Variants in CRTC1 observed in about 807,000 individuals in gnomAD.
CRTC1 encodes CREB-regulated transcription coactivator 1.
Under a neutral mutation model 66.1 loss-of-function variants are expected in CRTC1, and 18 were observed. The ratio of observed to expected loss-of-function variants is 0.27; its 90% CI spans 0.19 to 0.40. The LOEUF (loss-of-function observed/expected upper bound fraction) is 0.40, where lower values mean the gene tolerates loss of function less well. Among genes scored for constraint, CRTC1 ranks in the 10% least tolerant of loss-of-function variants. The pLI is 1.00. For synonymous variants in CRTC1, 416 were observed against 398.8 expected, an observed-to-expected ratio of 1.04 and a Z score of -0.51; for missense variants, 669 against 887.9, an observed-to-expected ratio of 0.75 and a Z score of 3.13.
In CRTC1 at chr19:18,683,736, G is replaced by A; in HGVS notation, c.34G>A (p.Glu12Lys). The change falls in exon 1 of 14, where the codon GAG (glutamate) becomes AAG (lysine). Residue 12 changes from glutamate (E) to lysine (K), a missense_variant. Around this residue, in one of 8 missense-constraint regions of CRTC1, gnomAD observed 23 missense variants for 30.6 expected, o/e 0.75. Transcript: ENST00000321949. ...ATSNNPRKFSEKIALHNQKQA... is the reference protein window; with the variant it reads ...ATSNNPRKFSKKIALHNQKQA... The stretch of plus-strand genomic sequence containing the variant: ...TTCGAACAATCCGCGGAAATTCAGC[G>A]AGAAGATCGCGCTGCACAATCAGAA... The A allele has an allele frequency of 7.1e-7, 1 of 1,402,586 alleles. No homozygotes were observed. The allele number at this position is 1,402,586 out of a possible 1,614,324, so 86.9% of individuals were successfully genotyped here.
intron 1 of CRTC1, among the ~76,000 whole-genome samples, chr19:18,727,078 C>T (rs998848182): frequency 6.6e-6 from 1 of 151,988 alleles, no homozygotes; most frequent in Non-Finnish European, 1.5e-5. Flanking sequence ...CAGACCCCAT[C>T]TCAGCAAAAA....
intron 9 of CRTC1, among the ~76,000 whole-genome samples, chr19:18,767,117 C>G (rs993282447): frequency 1.3e-5 from 2 of 151,994 alleles, no homozygotes; most frequent in African/African-American, 4.8e-5. Context: ...AGAAATTTAT[C>G]CATTTTGTCT....
intron 3 of CRTC1, among the ~76,000 whole-genome samples, chr19:18,746,373 AG>A (rs1346539168): frequency 6.6e-6 from 1 of 152,148 alleles, no homozygotes; most frequent in Non-Finnish European, 1.5e-5. Flanking sequence ...AATGGGGCTA[AG>A]GGGGTCTGTG....
chr19:18,770,527 G>A (rs1450320010), intron 10 of CRTC1, among the ~76,000 whole-genome samples: 2 of 152,254 alleles, frequency 1.3e-5, no homozygotes, highest in African/African-American at 2.4e-5. Flanking sequence ...AGCGAGAGCC[G>A]GGAACAGGAG....
At chr19:18,745,124 G>A (rs2054201644) in intron 2 of CRTC1, among the ~76,000 whole-genome samples, 2 of 152,178 alleles carry the variant, frequency 1.3e-5, no homozygotes, top group Admixed American at 6.5e-5. Flanking sequence ...ATGTAGCAGG[G>A]CCTGGGGAGG....
In CRTC1 at chr19:18,695,789, C is replaced by T. The variant is rs148879588; in HGVS notation, c.126+11961C>T. On this transcript the variant is annotated intron_variant, in intron 1 of 13. Transcript: ENST00000321949. ...GTGAGGCAGGAGAATGGCGTGAACC[C>T]GGGAGGCAGAGCTTGCGGTGAGCCG... 4.3e-4 allele frequency among the ~76,000 whole-genome samples: 66 copies of T among 152,200 alleles called. 3 individuals carry two copies. The East Asian group carries it at 0.012, about 28-fold the overall frequency.
chr19:18,725,881 C>A (rs1268518106), intron 1 of CRTC1, among the ~76,000 whole-genome samples: 1 of 152,230 alleles, frequency 6.6e-6, no homozygotes, highest in East Asian at 1.9e-4. Context: ...CCGGGGCTGC[C>A]GGTCACCCTG....
intron 4 of CRTC1, among the ~76,000 whole-genome samples, chr19:18,748,374 ATTTTTTTTT>A (rs777077338): frequency 7.2e-4 from 54 of 75,378 alleles, no homozygotes; most frequent in Non-Finnish European, 1.3e-3. Context: ...CTTCCAGCTG[ATTTTTTTTT>A]TTTTTTTTTT....
chr19:18,741,573 C>A lies in CRTC1; in HGVS notation c.127-1337C>A, dbSNP rs1423352152. ...GTGTGGGGTGGGAGCTGTAGGACCC[C>A]CACCCTACACCCCCTCCCTCTGCCA... On this transcript the variant is annotated intron_variant, in intron 1 of 13. Transcript: ENST00000321949. The surrounding 1 kb of genome is among the most constrained non-coding windows in gnomAD (Gnocchi z 4.2). 6.6e-6 allele frequency among the ~76,000 whole-genome samples: 1 copy of A among 152,124 alleles called. No homozygotes were observed. The highest frequency in any genetic ancestry group is 1.9e-4 in the East Asian group (1 of 5,192).
At position 18,684,238 on chromosome 19, in the gene CRTC1, TACC is replaced by T. The variant is rs2052634210; in HGVS notation, c.126+411_126+413del. 5.9e-5 allele frequency among the ~76,000 whole-genome samples: 9 copies of T among 152,070 alleles called. No homozygotes were observed. The South Asian group carries it at 1.9e-3, about 32-fold the overall frequency. ...GGGACAGGTGCCCCCGCATCATTGC[TACC>T]TGGGGGGGCAGGATGACACAGGTGT... On this transcript the variant is annotated intron_variant, in intron 1 of 13. Coordinates refer to ENST00000321949, the MANE Select transcript of CRTC1 (RefSeq NM_015321.3).
At chr19:18,758,569 G>T (rs1266469743) in intron 6 of CRTC1, among the ~76,000 whole-genome samples, 1 of 152,122 alleles carries the variant, frequency 6.6e-6, no homozygotes, top group East Asian at 1.9e-4. Context: ...CCTAGTCAGT[G>T]GGGGATGAGT....
At position 18,778,477 on chromosome 19, in the gene CRTC1, G is replaced by A. The variant is rs997403949; in HGVS notation, c.*1095G>A. ...CCACCCACCTGAGTGTAAGAAGTGA[G>A]TCCGGCTTTTGGGTTTCACCCCAAG... On this transcript the variant is annotated 3_prime_UTR_variant, in exon 14 of 14. Coordinates refer to ENST00000321949, the MANE Select transcript of CRTC1 (RefSeq NM_015321.3). The A allele has an allele frequency of 1.3e-5, 3 of 231,870 alleles. No homozygotes were observed. In the Admixed American group the frequency reaches 1.7e-4, roughly 13 times the overall value. The allele number at this position is 231,870 out of a possible 1,614,324, so 14.4% of individuals were successfully genotyped here.
rs769321261 is a variant in CRTC1 at position 18,777,319 on chromosome 19, C to T, written c.1842C>T (p.Asn614=). The T allele has an allele frequency of 8.1e-6, 13 of 1,611,122 alleles. No homozygotes were observed. The highest frequency in any genetic ancestry group is 4.5e-5 in the East Asian group (2 of 44,874). The change falls in exon 14 of 14, where the codon AAC becomes AAT. Residue 614 remains asparagine (N), a synonymous_variant. Coordinates refer to ENST00000321949, the MANE Select transcript of CRTC1 (RefSeq NM_015321.3). The surrounding 1 kb of genome is among the most constrained non-coding windows in gnomAD (Gnocchi z 5.5). ...CCCTCGACGGACTGCACATGCTCAA[C>T]GACCCCGACATGGTTCTGGCCGACC... is the stretch of plus-strand genomic sequence containing the variant. ...PLTLDGLHML[N]DPDMVLADPA...
chr19:18,742,444 T>A (rs1481182036), intron 1 of CRTC1, among the ~76,000 whole-genome samples: 1 of 152,188 alleles, frequency 6.6e-6, no homozygotes, highest in Non-Finnish European at 1.5e-5. Flanking sequence ...AGTCCCACGC[T>A]TTGAAGGCCA....
rs111481472 is a variant in CRTC1 at position 18,779,530 on chromosome 19, T to TA, written c.*2157dup. On this transcript the variant is annotated 3_prime_UTR_variant, in exon 14 of 14. Coordinates refer to ENST00000321949, the MANE Select transcript of CRTC1 (RefSeq NM_015321.3). Reference sequence around the variant, plus strand: ...TACCATTAGACTTGTATGTAGGACTTAAAAAAAAATGGCCTTAATAAAATT... The same window carrying TA: ...TACCATTAGACTTGTATGTAGGACTTAAAAAAAAAATGGCCTTAATAAAATT... The TA allele has an allele frequency of 3.0e-4, 63 of 212,876 alleles. No homozygotes were observed. Among genetic ancestry groups the TA allele is most frequent in the Middle Eastern group, 1.5e-3 (1 of 678 alleles). 13.2% of individuals were successfully genotyped at this position (212,876 alleles called of 1,614,324 possible). A position where few individuals can be genotyped will look rare whatever the true frequency, so the allele number is the denominator to read the frequency against.
intron 4 of CRTC1, 50 bp from the exon 5 acceptor site, chr19:18,749,731 A>G (rs752423871): frequency 2.0e-6 from 3 of 1,483,054 alleles, no homozygotes; most frequent in Non-Finnish European, 2.8e-6. Context: ...GGACTATCGC[A>G]TTGTCTGCCT....
At chr19:18,702,678 G>A (rs1160621525) in intron 1 of CRTC1, among the ~76,000 whole-genome samples, 1 of 151,594 alleles carries the variant, frequency 6.6e-6, no homozygotes, top group Admixed American at 6.6e-5. Context: ...GGGATTTCAG[G>A]TATGCGCCAC....
intron 1 of CRTC1, among the ~76,000 whole-genome samples, chr19:18,688,466 G>GCC (rs34413040): frequency 3.3e-5 from 5 of 151,456 alleles, no homozygotes; most frequent in South Asian, 2.1e-4. Context: ...TTGAGGAGGA[G>GCC]CCCCCCCTGT....
At position 18,768,535 on chromosome 19, in the gene CRTC1, C is replaced by CTTCACCCAG; in HGVS notation, c.1063_1071dup (p.Phe355_Gln357dup). 6.2e-7 allele frequency: 1 copy of CTTCACCCAG among 1,609,118 alleles called. No individual in the cohort carries two copies. The highest frequency in any genetic ancestry group is 8.5e-7 in the Non-Finnish European group (1 of 1,178,938). ...TGGAGCAGCAGCTGCCCTACGCCTT[C>CTTCACCCAG]TTCACCCAGGCGGGCTCCCAGCAGC... On this transcript the variant is annotated inframe_insertion, in exon 10 of 14. Transcript: ENST00000321949. The surrounding 1 kb of genome is among the most constrained non-coding windows in gnomAD (Gnocchi z 5.6).
Sources: allele counts gnomAD v4.1 joint callset (sites outside exome capture counted in the v4.1 genomes callset), GRCh38; gene constraint gnomAD v4.1.1; regional missense constraint gnomAD v4.1.1; non-coding constraint Gnocchi (gnomAD v3.1); transcripts MANE v1.5; gene names NCBI Gene and HGNC (gene_info 2026-07-23, HGNC 2026-07-21).